Variants in ZFAND4 observed in about 807,000 individuals in gnomAD.
ZFAND4 encodes zinc finger AN1-type containing 4, also known as AN1-type zinc finger protein 4.
Under a neutral mutation model 64.4 loss-of-function variants are expected in ZFAND4, and 43 were observed. The ratio of observed to expected loss-of-function variants is 0.67; its 90% CI spans 0.52 to 0.86. ZFAND4 has a LOEUF of 0.86. ZFAND4 is among the 40% of genes least tolerant of loss of function. ZFAND4 has a pLI of 0.00. For missense variants in ZFAND4, 929 were observed against 859.8 expected (o/e 1.08, Z -1.01); for synonymous variants, 296 against 305.7 (o/e 0.97, Z 0.33).
chr10:45,640,339 A>G (rs1278809827), intron 5 of ZFAND4: 1 of 1,273,030 alleles, frequency 7.9e-7, no homozygotes, highest in East Asian at 5.7e-5. Context: ...CAACAGGCTG[A>G]TGAGATTTCC....
At chr10:45,668,476 A>C (rs2048975462) in intron 1 of ZFAND4, among the ~76,000 whole-genome samples, 2 of 152,364 alleles carry the variant, frequency 1.3e-5, no homozygotes, top group South Asian at 4.1e-4. Flanking sequence ...TGCAACAATT[A>C]ATGGGCAAAA....
chr10:45,659,984 T>C (rs1195416108), intron 2 of ZFAND4, among the ~76,000 whole-genome samples: 1 of 152,026 alleles, frequency 6.6e-6, no homozygotes, highest in African/African-American at 2.4e-5. Flanking sequence ...GAGACCATCC[T>C]GACTAACACG....
intron 1 of ZFAND4, among the ~76,000 whole-genome samples, chr10:45,668,431 C>T (rs1035886816): frequency 2.0e-5 from 3 of 152,136 alleles, no homozygotes; most frequent in African/African-American, 7.2e-5. Flanking sequence ...CAAAAACATG[C>T]CAAATGGTAA....
In ZFAND4 at chr10:45,627,059, C is replaced by T; in HGVS notation, c.764G>A (p.Arg255Gln). Residue 255 changes from arginine to glutamine, a missense_variant, in exon 7 of 10, where the codon CGA becomes CAA. Physicochemically the swap from Arg to Gln is conservative, Grantham distance 43. Transcript: ENST00000344646. The stretch of plus-strand genomic sequence containing the variant: ...TGGTGCAGTGGAACCACTAGAAGGT[C>T]GAGGAGCTACAGGTGGGTGAGGTTT... The part of the protein sequence containing the change: ...KIKPHPPVAP[R>Q]PSSGSTAPSR... 1.9e-6 allele frequency: 3 copies of T among 1,581,620 alleles called. No homozygotes were observed. Among genetic ancestry groups the T allele is most frequent in the Non-Finnish European group, 1.7e-6 (2 of 1,162,818 alleles).
At chr10:45,622,348 G>C (rs2045492297) in intron 8 of ZFAND4, among the ~76,000 whole-genome samples, 2 of 152,266 alleles carry the variant, frequency 1.3e-5, no homozygotes, top group African/African-American at 4.8e-5. Flanking sequence ...ACTCAAAATG[G>C]ATCAAAGACC....
intron 1 of ZFAND4, among the ~76,000 whole-genome samples, chr10:45,671,898 G>T (rs185107084): frequency 6.6e-6 from 1 of 151,874 alleles, no homozygotes; most frequent in African/African-American, 2.4e-5. Flanking sequence ...CAACTCCAAG[G>T]ATGAAATGGA....
intron 9 of ZFAND4, among the ~76,000 whole-genome samples, chr10:45,617,082 G>GAAAAAAAAAAAAAAAA (rs1564538290): frequency 9.0e-6 from 1 of 111,618 alleles, no homozygotes; most frequent in Non-Finnish European, 2.0e-5. Context: ...ATCTCAAAAA[G>GAAAAAAAAAAAAAAAA]AAAAAAGAAA....
At chr10:45,639,483 A>G (rs1462897988) in intron 6 of ZFAND4, among the ~76,000 whole-genome samples, 2 of 152,220 alleles carry the variant, frequency 1.3e-5, no homozygotes, top group East Asian at 1.9e-4. Context: ...GGCACTATCT[A>G]CTAAATAGTA....
At chr10:45,666,939 C>CA (rs879857307) in intron 1 of ZFAND4, among the ~76,000 whole-genome samples, 1 of 152,132 alleles carries the variant, frequency 6.6e-6, no homozygotes, top group Non-Finnish European at 1.5e-5. Flanking sequence ...GTGAGGCCTC[C>CA]AATTTGTTCT....
chr10:45,651,957 T>C lies in ZFAND4; in HGVS notation c.328+9A>G, dbSNP rs2047786475. ...CTGTCAAATTGCTTTAATATATATA[T>C]ATGCCTACCTCTTCTAGTATTTATA... On this transcript the variant is annotated intron_variant, in intron 4 of 9. Coordinates refer to ENST00000344646, the MANE Select transcript of ZFAND4 (RefSeq NM_174890.4). 4 of 1,611,390 alleles carry C rather than the reference T, an allele frequency of 2.5e-6. No homozygotes were observed. Among genetic ancestry groups the C allele is most frequent in the South Asian group, 2.2e-5 (2 of 91,006 alleles).
Position 45,624,336 on chromosome 10 carries a change from T to G in ZFAND4, c.1927+247A>C, listed in dbSNP as rs573299447. Among the ~76,000 whole-genome samples, 21 of 152,270 alleles carry G rather than the reference T, an allele frequency of 1.4e-4. No individual in the cohort carries two copies. In the East Asian group the frequency reaches 2.3e-3, roughly 17 times the overall value. On this transcript the variant is annotated intron_variant, in intron 8 of 9. Coordinates refer to ENST00000344646, the MANE Select transcript of ZFAND4 (RefSeq NM_174890.4). ...GTTCATTCTTCAATAATCTTGTGGGTTTTTTTGACATAGATAACACCTCTT... is the reference window on the plus strand; with the variant it reads ...GTTCATTCTTCAATAATCTTGTGGGGTTTTTTGACATAGATAACACCTCTT...
intron 5 of ZFAND4, among the ~76,000 whole-genome samples, chr10:45,641,064 C>T (rs2046967029): frequency 1.3e-5 from 2 of 152,014 alleles, no homozygotes; most frequent in African/African-American, 4.8e-5. Context: ...TTTGTTTTGC[C>T]CCTTATTCTC....
intron 5 of ZFAND4, among the ~76,000 whole-genome samples, chr10:45,647,803 G>T (rs188992560): frequency 1.2e-4 from 19 of 152,250 alleles, no homozygotes; most frequent in Admixed American, 9.8e-4. Flanking sequence ...TAGTAACTCA[G>T]AATGCACAGC....
intron 2 of ZFAND4, among the ~76,000 whole-genome samples, chr10:45,659,648 G>T (rs1318956135): frequency 3.9e-5 from 6 of 152,084 alleles, no homozygotes; most frequent in African/African-American, 1.4e-4. Flanking sequence ...ATAGACTCAG[G>T]TATGTCAGAG....
chr10:45,662,506 G>T, intron 2 of ZFAND4: 1 of 720,854 alleles, frequency 1.4e-6, no homozygotes, highest in Non-Finnish European at 1.7e-6. Flanking sequence ...TCCAAAAAAG[G>T]TATCCTTTAA....
intron 4 of ZFAND4, chr10:45,648,995 G>A (rs1358718416): frequency 1.9e-5 from 19 of 984,556 alleles, no homozygotes; most frequent in Non-Finnish European, 2.3e-5. Context: ...ACGGCCGGGT[G>A]CGGTGGCTCA....
In ZFAND4 at chr10:45,624,599, T is replaced by G. The variant is rs775251940; in HGVS notation, c.1911A>C (p.Ala637=). 1 of 1,613,998 alleles carries G rather than the reference T, an allele frequency of 6.2e-7. No individual in the cohort carries two copies. The highest frequency in any genetic ancestry group is 1.7e-5 in the Admixed American group (1 of 60,026). The change falls in exon 8 of 10, where the codon GCA becomes GCC. Residue 637 remains alanine (A), a synonymous_variant. Transcript: ENST00000344646. ...HGVGMNGNNA[A]AGKSVGECTT... is the part of the protein sequence containing the mutation. ...GTAGCTTACCTACGCTTTTCCCTGC[T>G]GCTGCATTATTTCCATTCATTCCAA... is the stretch of plus-strand genomic sequence containing the variant.
chr10:45,626,568 C>T lies in ZFAND4; in HGVS notation c.1255G>A (p.Ala419Thr), dbSNP rs1330519358. ...AGCAACTCCAGATTCACTTTGCACG[C>T]ACCTTCTAAGCCGCTGCTCTGTTCA... ...ADEQSSGLEG[A>T]CKVNLELLLT... Residue 419 changes from alanine to threonine, a missense_variant, in exon 7 of 10, where the codon GCG (alanine) becomes ACG (threonine). By Grantham distance (58) the Ala-to-Thr change is moderately conservative. Transcript: ENST00000344646. The T allele has an allele frequency of 1.2e-6, 2 of 1,614,056 alleles. No individual in the cohort carries two copies. The highest frequency in any genetic ancestry group is 1.7e-6 in the Non-Finnish European group (2 of 1,180,050).
At chr10:45,652,108 T>C (rs992046711) in intron 3 of ZFAND4, 75 bp from the exon 4 acceptor site, 1 of 1,457,758 alleles carries the variant, frequency 6.9e-7, no homozygotes, top group Non-Finnish European at 9.6e-7. Context: ...AATTATGTGC[T>C]GGCTTATCAG....
Sources: allele counts gnomAD v4.1 joint callset (sites outside exome capture counted in the v4.1 genomes callset), GRCh38; gene constraint gnomAD v4.1.1; transcripts MANE v1.5; gene names NCBI Gene and HGNC (gene_info 2026-07-23, HGNC 2026-07-21).